Variants in PIKFYVE observed in about 807,000 individuals in gnomAD.
PIKFYVE encodes the protein phosphoinositide kinase, FYVE-type zinc finger containing.
In PIKFYVE, 122 loss-of-function variants were observed where a neutral mutation model predicts 257.9. The observed-to-expected ratio is 0.47, with a 90% CI of 0.41 to 0.55. The LOEUF (loss-of-function observed/expected upper bound fraction) is 0.55, where lower values mean the gene tolerates loss of function less well. PIKFYVE is among the 20% of genes least tolerant of loss of function. The probability of loss-of-function intolerance (pLI) is 0.00; values close to 1 mark genes in which losing one functional copy is unlikely to be tolerated. For synonymous variants in PIKFYVE, 892 were observed against 868.9 expected, an observed-to-expected ratio of 1.03 and a Z score of -0.47; for missense variants, 2,160 against 2,536.6, an observed-to-expected ratio of 0.85 and a Z score of 3.19.
chr2:208,319,405 A>G (rs1228130749), intron 16 of PIKFYVE, among the ~76,000 whole-genome samples: 1 of 152,212 alleles, frequency 6.6e-6, no homozygotes, highest in Non-Finnish European at 1.5e-5. Flanking sequence ...AGAACTTTAA[A>G]CCAAATTAAA....
intron 4 of PIKFYVE, 90 bp downstream of exon 4, chr2:208,276,920 A>G (rs996420343): frequency 9.5e-7 from 1 of 1,057,138 alleles, no homozygotes; most frequent in Non-Finnish European, 1.4e-6. Context: ...CCACTGAAAG[A>G]AAGCTTAATT....
At position 208,325,330 on chromosome 2, in the gene PIKFYVE, A is replaced by C. The variant is rs762131778; in HGVS notation, c.2519A>C (p.Lys840Thr). ...GCPQHLGCTI[K>T]LRGGSDYELA... ...CCACAGCACCTAGGCTGTACAATCA[A>C]GCTAAGAGGAGGCTCTGATTATGAG... The change falls in exon 20 of 42, where the codon AAG becomes ACG. Residue 840 changes from lysine to threonine, a missense_variant. By Grantham distance (78) the Lys-to-Thr change is moderately conservative. This residue lies in a region of PIKFYVE where 522 missense variants were observed against 514.6 expected (regional missense o/e 1.01). Coordinates refer to ENST00000264380, the MANE Select transcript of PIKFYVE (RefSeq NM_015040.4). 1.9e-6 allele frequency: 3 copies of C among 1,614,152 alleles called. No individual in the cohort carries two copies. The highest frequency in any genetic ancestry group is 2.5e-6 in the Non-Finnish European group (3 of 1,180,018).
rs1357829924 is a variant in PIKFYVE, at chr2:208,358,554, ATAG to A, written c.*3253_*3255del. Reference sequence around the variant, plus strand: ...AACTAGGGAAATGACATTGTAAATCATAGTAGCCTCTTTTAATTTAATATGAAA... The same window carrying A: ...AACTAGGGAAATGACATTGTAAATCATAGCCTCTTTTAATTTAATATGAAA... On this transcript the variant is annotated 3_prime_UTR_variant, in exon 42 of 42. Coordinates refer to ENST00000264380, the MANE Select transcript of PIKFYVE (RefSeq NM_015040.4). 1 of 152,656 alleles carries A rather than the reference ATAG, an allele frequency of 6.6e-6. No homozygotes were observed. Among genetic ancestry groups the A allele is most frequent in the African/African-American group, 2.4e-5 (1 of 41,470 alleles). 9.5% of individuals were successfully genotyped at this position (152,656 alleles called of 1,614,324 possible). A position where few individuals can be genotyped will look rare whatever the true frequency, so the allele number is the denominator to read the frequency against.
Position 208,314,326 on chromosome 2 carries a change from T to C in PIKFYVE, c.1729T>C (p.Ser577Pro), listed in dbSNP as rs943949386. The C allele has an allele frequency of 2.3e-5, 37 of 1,613,604 alleles. No individual in the cohort carries two copies. The highest frequency in any genetic ancestry group is 3.1e-5 in the Non-Finnish European group (36 of 1,179,728). ...ATTTAATCGCCGAGTAGAGGAAAAA[T>C]CCAAAGAGCTGCCTTTCACACCTTT... ...SLFNRRVEEK[S>P]KELPFTPLGW... Residue 577 changes from serine to proline, a missense_variant, in exon 14 of 42, where the codon TCC becomes CCC. Ser to Pro is a moderately conservative substitution (Grantham distance 74). This residue lies in a region of PIKFYVE where 346 missense variants were observed against 365.6 expected (regional missense o/e 0.95). Coordinates refer to ENST00000264380, the MANE Select transcript of PIKFYVE (RefSeq NM_015040.4).
chr2:208,285,756 A>G lies in PIKFYVE; in HGVS notation c.644A>G (p.Lys215Arg). 1 of 1,614,030 alleles carries G rather than the reference A, an allele frequency of 6.2e-7. No individual in the cohort carries two copies. Among genetic ancestry groups the G allele is most frequent in the East Asian group, 2.2e-5 (1 of 44,874 alleles). ...GDLRACTYCR[K>R]IALSYAHSTD... ...CTCCGAGCTTGCACATATTGTAGAA[A>G]AATAGCCTTAAGTTATGCTCATTCC... The change falls in exon 6 of 42, where the codon AAA becomes AGA. Residue 215 changes from lysine to arginine, a missense_variant. By Grantham distance (26) the Lys-to-Arg change is conservative. Coordinates refer to ENST00000264380, the MANE Select transcript of PIKFYVE (RefSeq NM_015040.4).
chr2:208,348,599 A>AGTGTGTGTGTGTGTGTGT lies in PIKFYVE; in HGVS notation c.5374+597_5374+614dup, dbSNP rs35997291. On this transcript the variant is annotated intron_variant, in intron 35 of 41. Coordinates refer to ENST00000264380, the MANE Select transcript of PIKFYVE (RefSeq NM_015040.4). Reference sequence around the variant, plus strand: ...CCTCTGTCTCTACCAAAAAAAAAAAAGTGTGTGTGTGTGTGTGTGTGTGTG... The same window carrying AGTGTGTGTGTGTGTGTGT: ...CCTCTGTCTCTACCAAAAAAAAAAAAGTGTGTGTGTGTGTGTGTGTGTGTGTGTGTGTGTGTGTGTGTG... Among the ~76,000 whole-genome samples the AGTGTGTGTGTGTGTGTGT allele has an allele frequency of 5.1e-3, 659 of 128,950 alleles. 5 individuals are homozygous for AGTGTGTGTGTGTGTGTGT. The highest frequency in any genetic ancestry group is 6.7e-3 in the South Asian group (25 of 3,730). The allele number at this position is 128,950 out of a possible 152,430, so 84.6% of individuals were successfully genotyped here.
Position 208,325,310 on chromosome 2 carries a change from G to A in PIKFYVE, c.2499G>A (p.Gln833=). The change falls in exon 20 of 42, where the codon CAG becomes CAA. Residue 833 remains glutamine (Q), a synonymous_variant. Transcript: ENST00000264380. ...TGATGTTTTTTGAAGGTTGTCCACA[G>A]CACCTAGGCTGTACAATCAAGCTAA... ...KTLMFFEGCP[Q]HLGCTIKLRG... 6.2e-7 allele frequency: 1 copy of A among 1,614,088 alleles called. No homozygotes were observed. The highest frequency in any genetic ancestry group is 8.5e-7 in the Non-Finnish European group (1 of 1,180,002).
Position 208,335,874 on chromosome 2 carries a change from A to G in PIKFYVE, c.4338A>G (p.Lys1446=). The G allele has an allele frequency of 6.2e-7, 1 of 1,611,974 alleles. No homozygotes were observed. The highest frequency in any genetic ancestry group is 8.5e-7 in the Non-Finnish European group (1 of 1,178,490). ...CATTTAGTAAAACAAGAGAGGAAAA[A>G]ATGGAAGATATTTTTGCACAGAAAG... ...TDTFSKTREE[K]MEDIFAQKEM... is the part of the protein sequence containing the mutation. The change falls in exon 26 of 42, where the codon AAA becomes AAG. Residue 1446 remains lysine (K), a synonymous_variant. Transcript: ENST00000264380.
At chr2:208,302,502 T>A in intron 10 of PIKFYVE, 149 bp downstream of exon 10, 1 of 732,852 alleles carries the variant, frequency 1.4e-6, no homozygotes, top group South Asian at 1.5e-5. Flanking sequence ...TTTTTTTACT[T>A]GGTAGGCAGC....
At position 208,317,872 on chromosome 2, in the gene PIKFYVE, A is replaced by G. The variant is rs1695729091; in HGVS notation, c.2013A>G (p.Pro671=). 6.2e-7 allele frequency: 1 copy of G among 1,612,202 alleles called. No homozygotes were observed. The highest frequency in any genetic ancestry group is 8.5e-7 in the Non-Finnish European group (1 of 1,178,200). The change falls in exon 16 of 42, where the codon CCA becomes CCG. Residue 671 remains proline (P), a synonymous_variant. Coordinates refer to ENST00000264380, the MANE Select transcript of PIKFYVE (RefSeq NM_015040.4). Reference sequence around the variant, plus strand: ...TTTCTTAATTGTTCCATTAGATCCCAGGTGGAAAGAAGTTTGATTCTGTGG... The same window carrying G: ...TTTCTTAATTGTTCCATTAGATCCCGGGTGGAAAGAAGTTTGATTCTGTGG... ...IRQFVHIKKI[P]GGKKFDSVVV... is the part of the protein sequence containing the mutation.
At position 208,315,261 on chromosome 2, in the gene PIKFYVE, C is replaced by G. The variant is rs774818759; in HGVS notation, c.1895C>G (p.Ser632Cys). ...QLLHSDSLSS[S>C]WRDIIVSLVC... ...CTCCATAGTGACTCACTGTCATCATCTTGGAGGGACATCATCGTGTCATTG... is the reference window on the plus strand; with the variant it reads ...CTCCATAGTGACTCACTGTCATCATGTTGGAGGGACATCATCGTGTCATTG... The change falls in exon 15 of 42, where the codon TCT becomes TGT. Residue 632 changes from serine to cysteine, a missense_variant. Physicochemically the swap from Ser to Cys is moderately radical, Grantham distance 112 (BLOSUM62 -1). This residue lies in a region of PIKFYVE where 346 missense variants were observed against 365.6 expected (regional missense o/e 0.95). Transcript: ENST00000264380. 2 of 1,614,122 alleles carry G rather than the reference C, an allele frequency of 1.2e-6. No individual in the cohort carries two copies. Among genetic ancestry groups the G allele is most frequent in the Non-Finnish European group, 1.7e-6 (2 of 1,179,984 alleles).
Position 208,351,382 on chromosome 2 carries a change from G to A in PIKFYVE, c.5642G>A (p.Arg1881His), listed in dbSNP as rs745698256. ...AGATTTATTTTGAAGCAAATGCCTC[G>A]TCTGGAAGTCCAGTCCTTCCTCGAC... The part of the protein sequence containing the change: ...DDRFILKQMP[R>H]LEVQSFLDFA... The change falls in exon 38 of 42, where the codon CGT (arginine) becomes CAT (histidine). Residue 1881 changes from arginine (R) to histidine (H), a missense_variant. Coordinates refer to ENST00000264380, the MANE Select transcript of PIKFYVE (RefSeq NM_015040.4). 3.0e-5 allele frequency: 48 copies of A among 1,613,642 alleles called. No homozygotes were observed. Among genetic ancestry groups the A allele is most frequent in the South Asian group, 8.8e-5 (8 of 91,080 alleles).
rs973068961 is a variant in PIKFYVE at position 208,324,338 on chromosome 2, T to A, written c.2331+56T>A. 7.8e-6 allele frequency: 12 copies of A among 1,545,544 alleles called. No individual in the cohort carries two copies. In the African/African-American group the frequency reaches 1.5e-4, roughly 19 times the overall value. On this transcript the variant is annotated intron_variant, in intron 18 of 41. Transcript: ENST00000264380. ...AAAAAAATCACAGCTTTTAAATTTA[T>A]ATGCACGTATGGTAGGTATACAAGA...
Position 208,355,182 on chromosome 2 carries a change from A to G in PIKFYVE, c.6182-8A>G, listed in dbSNP as rs754988761. 77 of 1,605,222 alleles carry G rather than the reference A, an allele frequency of 4.8e-5. No individual in the cohort carries two copies. The highest frequency in any genetic ancestry group is 6.5e-5 in the Non-Finnish European group (76 of 1,172,084). On this transcript the variant is annotated splice_polypyrimidine_tract_variant and splice_region_variant and intron_variant, in intron 41 of 41. Coordinates refer to ENST00000264380, the MANE Select transcript of PIKFYVE (RefSeq NM_015040.4). ...GCTTTTTCCCCCTTTTCTCTTTCATAATCTCAGGTAAAATGCCAACAGTGG... is the reference window on the plus strand; with the variant it reads ...GCTTTTTCCCCCTTTTCTCTTTCATGATCTCAGGTAAAATGCCAACAGTGG...
chr2:208,281,486 G>A (rs1386041111), intron 5 of PIKFYVE, among the ~76,000 whole-genome samples: 2 of 152,156 alleles, frequency 1.3e-5, no homozygotes, highest in African/African-American at 4.8e-5. Context: ...AAATCATGTA[G>A]TTCTTCTGGA....
At position 208,330,181 on chromosome 2, in the gene PIKFYVE, A is replaced by G. The variant is rs184542125; in HGVS notation, c.3791+268A>G. 3.9e-4 allele frequency among the ~76,000 whole-genome samples: 60 copies of G among 152,296 alleles called. 1 individual carries two copies. Among genetic ancestry groups the G allele is most frequent in the African/African-American group, 1.4e-3 (60 of 41,566 alleles). Reference sequence around the variant, plus strand: ...TACCTGTTTTTTTACAGTGATTCAAATGAGAGGTAAAATGTTGGAATCATC... The same window carrying G: ...TACCTGTTTTTTTACAGTGATTCAAGTGAGAGGTAAAATGTTGGAATCATC... On this transcript the variant is annotated intron_variant, in intron 22 of 41. Coordinates refer to ENST00000264380, the MANE Select transcript of PIKFYVE (RefSeq NM_015040.4).
At chr2:208,271,041 A>T (rs952423442) in intron 1 of PIKFYVE, among the ~76,000 whole-genome samples, 5 of 151,954 alleles carry the variant, frequency 3.3e-5, no homozygotes, top group Non-Finnish European at 7.4e-5. Flanking sequence ...ATCTCCAAAA[A>T]AAAAAAAAAA....
At chr2:208,314,220 A>G (rs560714526) in intron 13 of PIKFYVE, 74 bp from the exon 14 acceptor site, 87 of 1,521,630 alleles carry the variant, frequency 5.7e-5, no homozygotes, top group African/African-American at 1.4e-5. Flanking sequence ...ACAAAGGGCA[A>G]TTTCTAAATA....
intron 12 of PIKFYVE, among the ~76,000 whole-genome samples, chr2:208,311,304 G>C (rs972225466): frequency 3.9e-5 from 6 of 152,060 alleles, no homozygotes; most frequent in Admixed American, 3.3e-4. Context: ...CCACATACTC[G>C]ATTTTATTGT....
Sources: allele counts gnomAD v4.1 joint callset (sites outside exome capture counted in the v4.1 genomes callset), GRCh38; gene constraint gnomAD v4.1.1; regional missense constraint gnomAD v4.1.1; transcripts MANE v1.5; gene names NCBI Gene and HGNC (gene_info 2026-07-23, HGNC 2026-07-21).